Variants in TLN2 observed in about 807,000 individuals in gnomAD.
The protein encoded by TLN2 is talin 2.
Under a neutral mutation model 294.7 loss-of-function variants are expected in TLN2, and 118 were observed. That is an observed-to-expected ratio of 0.40 (90% CI 0.34 to 0.47). TLN2 has a LOEUF of 0.47. Among genes scored for constraint, TLN2 ranks in the 20% least tolerant of loss-of-function variants. The pLI is 0.84. For missense variants in TLN2, 3,083 were observed against 3,282.2 expected (o/e 0.94, Z 1.48); for synonymous variants, 1,431 against 1,304.5 (o/e 1.10, Z -2.09).
At chr15:62,440,575 C>G (rs1595809206) in intron 1 of TLN2, among the ~76,000 whole-genome samples, 1 of 152,218 alleles carries the variant, frequency 6.6e-6, no homozygotes, top group East Asian at 1.9e-4. Context: ...ACTGTCCTCA[C>G]TGTCCTCCTC....
At chr15:62,568,255 G>T (rs2043574627) in intron 1 of TLN2, among the ~76,000 whole-genome samples, 1 of 152,158 alleles carries the variant, frequency 6.6e-6, no homozygotes, top group Admixed American at 6.5e-5. Context: ...CCTGCCCTGG[G>T]CGAGGTAGAG....
intron 1 of TLN2, among the ~76,000 whole-genome samples, chr15:62,531,001 C>A (rs7176580): frequency 0.083 from 12,568 of 152,024 alleles, 1,143 homozygotes; most frequent in African/African-American, 0.23. Context: ...AATAATTTTT[C>A]CTATATCATT....
chr15:62,450,587 G>A (rs967429065), intron 1 of TLN2, among the ~76,000 whole-genome samples: 5 of 151,560 alleles, frequency 3.3e-5, no homozygotes, highest in African/African-American at 1.2e-4. Context: ...GTGTGTGTGT[G>A]TGTTTGAGAC....
Position 62,474,768 on chromosome 15 carries a change from G to A in TLN2, c.-238+84083G>A, listed in dbSNP as rs544846550. Among the ~76,000 whole-genome samples, 35 of 152,266 alleles carry A rather than the reference G, an allele frequency of 2.3e-4. 1 individual carries two copies. The South Asian group carries it at 3.1e-3, about 14-fold the overall frequency. On this transcript the variant is annotated intron_variant, in intron 1 of 58. Coordinates refer to ENST00000636159, the MANE Select transcript of TLN2 (RefSeq NM_015059.3). ...GTCTGAGTCGTCATTGGCTTCTCAC[G>A]TTTGAGAGTGAAAGGAAAATGAGCT...
In TLN2 at chr15:62,692,896, G is replaced by A. The variant is rs1028515647; in HGVS notation, c.1170G>A (p.Gln390=). ...CAGTACAAACCACCGAGGGAGAGCAGATATCCCAGCTGATTGCAGGCTACA... is the reference window on the plus strand; with the variant it reads ...CAGTACAAACCACCGAGGGAGAGCAAATATCCCAGCTGATTGCAGGCTACA... ...YYSVQTTEGE[Q]ISQLIAGYID... is the part of the protein sequence containing the mutation. The change falls in exon 13 of 59, where the codon CAG becomes CAA. Residue 390 remains glutamine (Q), a synonymous_variant. Coordinates refer to ENST00000636159, the MANE Select transcript of TLN2 (RefSeq NM_015059.3). The A allele has an allele frequency of 3.7e-6, 6 of 1,613,730 alleles. No homozygotes were observed. Among genetic ancestry groups the A allele is most frequent in the Admixed American group, 3.3e-5 (2 of 59,962 alleles).
intron 8 of TLN2, among the ~76,000 whole-genome samples, chr15:62,656,727 G>A (rs1452832313): frequency 1.3e-5 from 2 of 152,096 alleles, no homozygotes; most frequent in African/African-American, 4.8e-5. Context: ...TAGAAATAAT[G>A]TAGGGGTTGG....
At chr15:62,657,157 G>A (rs967430156) in intron 8 of TLN2, among the ~76,000 whole-genome samples, 3 of 150,404 alleles carry the variant, frequency 2.0e-5, no homozygotes, top group African/African-American at 7.4e-5. Context: ...AAAAGGTGGG[G>A]GGGGGAAGCA....
At chr15:62,450,139 C>A (rs1190316911) in intron 1 of TLN2, among the ~76,000 whole-genome samples, 1 of 152,130 alleles carries the variant, frequency 6.6e-6, no homozygotes, top group Non-Finnish European at 1.5e-5. Context: ...TCCAGGCCGG[C>A]CTCTCAGTGT....
At chr15:62,787,810 G>A (rs930891945) in intron 45 of TLN2, among the ~76,000 whole-genome samples, 4 of 146,382 alleles carry the variant, frequency 2.7e-5, no homozygotes, top group African/African-American at 1.0e-4. Context: ...TCCTGCCTCA[G>A]CCTCCTGAGT....
chr15:62,523,623 T>G (rs1195562150), intron 1 of TLN2, among the ~76,000 whole-genome samples: 1 of 152,224 alleles, frequency 6.6e-6, no homozygotes, highest in Non-Finnish European at 1.5e-5. Flanking sequence ...TTTATCCCAG[T>G]AATTGATATA....
chr15:62,598,940 G>A (rs1382437477), intron 2 of TLN2, among the ~76,000 whole-genome samples: 1 of 152,092 alleles, frequency 6.6e-6, no homozygotes, highest in African/African-American at 2.4e-5. Flanking sequence ...ACTAGAGGAA[G>A]CCTTGACCAT....
chr15:62,683,596 T>C (rs2057040575), intron 11 of TLN2, among the ~76,000 whole-genome samples: 1 of 151,846 alleles, frequency 6.6e-6, no homozygotes, highest in Non-Finnish European at 1.5e-5. Flanking sequence ...TGCATTCTCC[T>C]GCCTCTGAGT....
At chr15:62,547,724 A>G (rs1340792241) in intron 1 of TLN2, among the ~76,000 whole-genome samples, 4 of 152,236 alleles carry the variant, frequency 2.6e-5, no homozygotes, top group African/African-American at 9.6e-5. Flanking sequence ...TTAGTCTTGC[A>G]TCTTCCTTGG....
At chr15:62,666,373 G>GCATT (rs2054644390) in intron 9 of TLN2, among the ~76,000 whole-genome samples, 1 of 152,100 alleles carries the variant, frequency 6.6e-6, no homozygotes, top group Non-Finnish European at 1.5e-5. Context: ...GCTTCACGCA[G>GCATT]CATTCACCTT....
chr15:62,510,741 T>C (rs2039888083), intron 1 of TLN2, among the ~76,000 whole-genome samples: 1 of 152,236 alleles, frequency 6.6e-6, no homozygotes, highest in South Asian at 2.1e-4. Flanking sequence ...AGCAGTGCCC[T>C]TTCTCTGCCC....
At chr15:62,506,995 A>G (rs2039654322) in intron 1 of TLN2, among the ~76,000 whole-genome samples, 1 of 152,244 alleles carries the variant, frequency 6.6e-6, no homozygotes, top group Non-Finnish European at 1.5e-5. Context: ...GACAGATGAT[A>G]AATATCTTCA....
intron 22 of TLN2, 61 bp downstream of exon 22, chr15:62,712,138 G>A: frequency 6.4e-7 from 1 of 1,571,524 alleles, no homozygotes; most frequent in Non-Finnish European, 8.7e-7. Flanking sequence ...GATTTGGAAG[G>A]TACTTTCCAG....
intron 1 of TLN2, among the ~76,000 whole-genome samples, chr15:62,410,387 C>T (rs1277540199): frequency 6.6e-6 from 1 of 151,894 alleles, no homozygotes; most frequent in African/African-American, 2.4e-5. Flanking sequence ...AGGCATTTGT[C>T]AAAATTTATA....
intron 1 of TLN2, among the ~76,000 whole-genome samples, chr15:62,509,284 GT>G (rs11336709): frequency 0.47 from 71,342 of 151,892 alleles, 18,304 homozygotes; most frequent in African/African-American, 0.69. Context: ...TGTTTGTTTT[GT>G]TTTTTTTGAG....
Sources: allele counts gnomAD v4.1 joint callset (sites outside exome capture counted in the v4.1 genomes callset), GRCh38; gene constraint gnomAD v4.1.1; transcripts MANE v1.5; gene names NCBI Gene and HGNC (gene_info 2026-07-23, HGNC 2026-07-21).